The following SAP30L variants were observed in gnomAD, a reference collection of about 807,000 sequenced individuals.
SAP30L encodes the protein SAP30 like.
SAP30L carries 10 observed loss-of-function variants against 22.3 expected under a neutral mutation model. That is an observed-to-expected ratio of 0.45 (90% CI 0.28 to 0.76). The LOEUF is 0.76. SAP30L is among the 30% of genes least tolerant of loss of function. The pLI is 0.14. For synonymous variants in SAP30L, 91 were observed against 94.1 expected (o/e 0.97, Z 0.19); for missense variants, 206 against 237.9 (o/e 0.87, Z 0.88).
At chr5:154,452,951 C>T in intron 2 of SAP30L, 1 of 158,198 alleles carries the variant, frequency 6.3e-6, no homozygotes, top group Non-Finnish European at 1.4e-5. Flanking sequence ...CAACCACCAC[C>T]AGACCCATCC....
At chr5:154,455,554 A>C (rs975733553) in intron 3 of SAP30L, among the ~76,000 whole-genome samples, 7 of 152,214 alleles carry the variant, frequency 4.6e-5, no homozygotes, top group Non-Finnish European at 5.9e-5. Context: ...AAGGCCTGAG[A>C]GGTTTGGTAG....
chr5:154,450,618 C>T (rs565588504), intron 1 of SAP30L, among the ~76,000 whole-genome samples: 1 of 152,162 alleles, frequency 6.6e-6, no homozygotes, highest in African/African-American at 2.4e-5. Flanking sequence ...TGCCCACCCC[C>T]CTGATGCCTC....
chr5:154,460,876 C>T lies in SAP30L; in HGVS notation c.*4848C>T, dbSNP rs1757359497. Reference sequence around the variant, plus strand: ...AGGCCTCCTCATATTGTACTTGTTTCCTGCCAAATCTGGGGGATCATTTGT... The same window carrying T: ...AGGCCTCCTCATATTGTACTTGTTTTCTGCCAAATCTGGGGGATCATTTGT... On this transcript the variant is annotated 3_prime_UTR_variant, in exon 4 of 4. Coordinates refer to ENST00000297109, the MANE Select transcript of SAP30L (RefSeq NM_024632.6). 1 of 152,158 alleles carries T rather than the reference C, an allele frequency of 6.6e-6. No individual in the cohort carries two copies. Among genetic ancestry groups the T allele is most frequent in the Non-Finnish European group, 1.5e-5 (1 of 68,036 alleles). The allele number at this position is 152,158 out of a possible 1,614,324, so 9.4% of individuals were successfully genotyped here.
chr5:154,454,889 C>A (rs1419533009), intron 3 of SAP30L, among the ~76,000 whole-genome samples: 1 of 151,814 alleles, frequency 6.6e-6, no homozygotes. Flanking sequence ...TGCCTCTGTT[C>A]AATTTGTTCA....
chr5:154,450,821 C>T (rs1757122006), intron 1 of SAP30L, among the ~76,000 whole-genome samples: 1 of 152,178 alleles, frequency 6.6e-6, no homozygotes. Flanking sequence ...ATCTCTGTTG[C>T]AGGGATCTCT....
Position 154,446,649 on chromosome 5 carries a change from C to A in SAP30L, c.45C>A (p.Pro15=). 2 of 1,537,046 alleles carry A rather than the reference C, an allele frequency of 1.3e-6. No individual in the cohort carries two copies. The highest frequency in any genetic ancestry group is 1.7e-6 in the Non-Finnish European group (2 of 1,144,604). Residue 15 remains proline, a synonymous_variant, in exon 1 of 4, where the codon CCC becomes CCA. Transcript: ENST00000297109. The stretch of plus-strand genomic sequence containing the variant: ...AGGAGGACAGCCGCGAAGGGCCCCC[C>A]GCCGCCCCAGCTGCCGCCGCCCCGG... ...STEEDSREGP[P]AAPAAAAPGY...
Position 154,457,963 on chromosome 5 carries a change from T to C in SAP30L, c.*1935T>C, listed in dbSNP as rs1482036083. The C allele has an allele frequency of 6.6e-6, 1 of 152,194 alleles. No individual in the cohort carries two copies. The highest frequency in any genetic ancestry group is 2.4e-5 in the African/African-American group (1 of 41,462). 9.4% of individuals were successfully genotyped at this position (152,194 alleles called of 1,614,324 possible). Reference sequence around the variant, plus strand: ...CTTGCTCCATGGAAATGTCCATATCTTAATGAGTAAAAAAGTGTATTTTTC... The same window carrying C: ...CTTGCTCCATGGAAATGTCCATATCCTAATGAGTAAAAAAGTGTATTTTTC... On this transcript the variant is annotated 3_prime_UTR_variant, in exon 4 of 4. Transcript: ENST00000297109.
At position 154,446,241 on chromosome 5, in the gene SAP30L, A is replaced by G. The variant is rs892095744; in HGVS notation, c.-364A>G. 1.0e-5 allele frequency: 2 copies of G among 197,358 alleles called. No individual in the cohort carries two copies. The highest frequency in any genetic ancestry group is 2.3e-5 in the African/African-American group (1 of 43,166). The allele number at this position is 197,358 out of a possible 1,614,324, so 12.2% of individuals were successfully genotyped here. A position where few individuals can be genotyped will look rare whatever the true frequency, so the allele number is the denominator to read the frequency against. On this transcript the variant is annotated 5_prime_UTR_variant, in exon 1 of 4. Coordinates refer to ENST00000297109, the MANE Select transcript of SAP30L (RefSeq NM_024632.6). ...CAGGGGCCTTCGAAACCCCCTGGCAACCCAGGCCCGGAGTCCTTGGGGAGC... is the reference window on the plus strand; with the variant it reads ...CAGGGGCCTTCGAAACCCCCTGGCAGCCCAGGCCCGGAGTCCTTGGGGAGC...
Position 154,458,673 on chromosome 5 carries a change from C to G in SAP30L, c.*2645C>G, listed in dbSNP as rs147593028. 4.5e-4 allele frequency: 68 copies of G among 152,332 alleles called. 2 individuals carry two copies. The highest frequency in any genetic ancestry group is 8.8e-5 in the Non-Finnish European group (6 of 68,024). 9.4% of individuals were successfully genotyped at this position (152,332 alleles called of 1,614,324 possible). On this transcript the variant is annotated 3_prime_UTR_variant, in exon 4 of 4. Coordinates refer to ENST00000297109, the MANE Select transcript of SAP30L (RefSeq NM_024632.6). ...TTCTTAAAGAGTATGGTTCCTGCCT[C>G]AGTTCCAGCCTGGTATGGTTCTTTG...
intron 2 of SAP30L, among the ~76,000 whole-genome samples, chr5:154,452,699 A>G (rs1404857517): frequency 6.6e-6 from 1 of 151,340 alleles, no homozygotes; most frequent in Non-Finnish European, 1.5e-5. Flanking sequence ...TAAGGATTCT[A>G]ATACCAGAAG....
rs1242970501 is a variant in SAP30L at position 154,458,428 on chromosome 5, C to T, written c.*2400C>T. On this transcript the variant is annotated 3_prime_UTR_variant, in exon 4 of 4. Transcript: ENST00000297109. ...TGGCTCTATCTGTGGGCAAGGGACT[C>T]CTGCCTGTGAGAAGTGGCCAGGCCC... 2.6e-5 allele frequency: 4 copies of T among 152,286 alleles called. No homozygotes were observed. Among genetic ancestry groups the T allele is most frequent in the East Asian group, 1.9e-4 (1 of 5,202 alleles). 9.4% of individuals were successfully genotyped at this position (152,286 alleles called of 1,614,324 possible).
chr5:154,458,131 G>T lies in SAP30L; in HGVS notation c.*2103G>T, dbSNP rs1757302088. 1 of 152,210 alleles carries T rather than the reference G, an allele frequency of 6.6e-6. No homozygotes were observed. The highest frequency in any genetic ancestry group is 1.5e-5 in the Non-Finnish European group (1 of 68,032). The allele number at this position is 152,210 out of a possible 1,614,324, so 9.4% of individuals were successfully genotyped here. On this transcript the variant is annotated 3_prime_UTR_variant, in exon 4 of 4. Transcript: ENST00000297109. Reference sequence around the variant, plus strand: ...TCCATCTGTTCAATTGTGTCTGAAAGAATCTTTATTCCAAAGCGAAACCTG... The same window carrying T: ...TCCATCTGTTCAATTGTGTCTGAAATAATCTTTATTCCAAAGCGAAACCTG...
intron 1 of SAP30L, among the ~76,000 whole-genome samples, chr5:154,449,928 C>G (rs573691126): frequency 6.6e-6 from 1 of 152,166 alleles, no homozygotes; most frequent in Non-Finnish European, 1.5e-5. Context: ...ACTAATCCAG[C>G]CACATGAAAG....
chr5:154,452,951 C>G (rs1757180021), intron 2 of SAP30L: 1 of 158,080 alleles, frequency 6.3e-6, no homozygotes, highest in East Asian at 1.9e-4. Context: ...CAACCACCAC[C>G]AGACCCATCC....
At position 154,455,910 on chromosome 5, in the gene SAP30L, G is replaced by A. The variant is rs1449337276; in HGVS notation, c.434G>A (p.Arg145Gln). The A allele has an allele frequency of 4.3e-6, 7 of 1,611,094 alleles. No individual in the cohort carries two copies. The highest frequency in any genetic ancestry group is 1.1e-5 in the South Asian group (1 of 90,418). The change falls in exon 4 of 4, where the codon CGA (arginine) becomes CAA (glutamine). Residue 145 changes from arginine to glutamine, a missense_variant. Physicochemically the swap from Arg to Gln is conservative, Grantham distance 43 (BLOSUM62 1). Transcript: ENST00000297109. ...TTTCCCCCCACATAGACTGTGAGTCGACACTTCAGGAACATACCTGTGAAT... is the reference window on the plus strand; with the variant it reads ...TTTCCCCCCACATAGACTGTGAGTCAACACTTCAGGAACATACCTGTGAAT... ...NKAQLAETVSRHFRNIPVNEK... is the reference protein window; with the variant it reads ...NKAQLAETVSQHFRNIPVNEK...
At chr5:154,450,855 T>TA (rs1246515387) in intron 1 of SAP30L, among the ~76,000 whole-genome samples, 1 of 152,212 alleles carries the variant, frequency 6.6e-6, no homozygotes, top group Non-Finnish European at 1.5e-5. Flanking sequence ...CTGTACCATT[T>TA]ACTGTCTTCA....
chr5:154,455,883 A>G lies in SAP30L; in HGVS notation c.424-17A>G. 3.8e-6 allele frequency: 6 copies of G among 1,599,338 alleles called. No individual in the cohort carries two copies. Among genetic ancestry groups the G allele is most frequent in the Non-Finnish European group, 5.1e-6 (6 of 1,175,392 alleles). ...TGTGCATGGTTTAAGGAACTTTGGTATTTTCCCCCCACATAGACTGTGAGT... is the reference window on the plus strand; with the variant it reads ...TGTGCATGGTTTAAGGAACTTTGGTGTTTTCCCCCCACATAGACTGTGAGT... On this transcript the variant is annotated splice_polypyrimidine_tract_variant and intron_variant, in intron 3 of 3. Transcript: ENST00000297109.
At chr5:154,455,048 G>T (rs972843673) in intron 3 of SAP30L, among the ~76,000 whole-genome samples, 1 of 151,906 alleles carries the variant, frequency 6.6e-6, no homozygotes, top group Non-Finnish European at 1.5e-5. Flanking sequence ...TTCCCGAGTG[G>T]CTGGGATTAC....
At chr5:154,448,079 G>T (rs1314476834) in intron 1 of SAP30L, among the ~76,000 whole-genome samples, 1 of 145,926 alleles carries the variant, frequency 6.9e-6, no homozygotes, top group Admixed American at 7.0e-5. Context: ...GGGTTGAAGC[G>T]ATTCTCCTGC....
Sources: allele counts gnomAD v4.1 joint callset (sites outside exome capture counted in the v4.1 genomes callset), GRCh38; gene constraint gnomAD v4.1.1; transcripts MANE v1.5; gene names NCBI Gene and HGNC (gene_info 2026-07-23, HGNC 2026-07-21).